Variants in DYNC1I1 observed in about 807,000 individuals in gnomAD.
The protein encoded by DYNC1I1 is cytoplasmic dynein 1 intermediate chain 1.
Under a neutral mutation model 86.6 loss-of-function variants are expected in DYNC1I1, and 43 were observed. The observed-to-expected ratio is 0.50, with a 90% CI of 0.39 to 0.64. DYNC1I1 has a LOEUF of 0.64. DYNC1I1 is among the 30% of genes least tolerant of loss of function. The pLI is 0.00. For synonymous variants in DYNC1I1, 262 were observed against 283.7 expected (o/e 0.92, Z 0.77); for missense variants, 604 against 788.8 (o/e 0.77, Z 2.81).
chr7:95,922,209 A>G lies in DYNC1I1; in HGVS notation c.490+52211A>G, dbSNP rs1298031904. Among the ~76,000 whole-genome samples, 5 of 152,098 alleles carry G rather than the reference A, an allele frequency of 3.3e-5. No homozygotes were observed. The East Asian group carries it at 9.6e-4, about 29-fold the overall frequency. On this transcript the variant is annotated intron_variant, in intron 6 of 16. Coordinates refer to ENST00000447467, the MANE Select transcript of DYNC1I1 (RefSeq NM_001135556.2). Reference sequence around the variant, plus strand: ...GGATTTTTTTTTCTTTTCTTTTTTAATATTAGTGTGTGTAAAGGTGGTTTC... The same window carrying G: ...GGATTTTTTTTTCTTTTCTTTTTTAGTATTAGTGTGTGTAAAGGTGGTTTC...
chr7:96,090,904 G>C (rs1359404363), intron 16 of DYNC1I1, among the ~76,000 whole-genome samples: 2 of 152,110 alleles, frequency 1.3e-5, no homozygotes, highest in African/African-American at 2.4e-5. Flanking sequence ...CTGGTCCGTG[G>C]TTTCATCCAT....
At chr7:95,796,127 C>T (rs973741558) in intron 1 of DYNC1I1, among the ~76,000 whole-genome samples, 1 of 151,968 alleles carries the variant, frequency 6.6e-6, no homozygotes, top group Non-Finnish European at 1.5e-5. Flanking sequence ...AGTTCATTAA[C>T]AACTGTCTTA....
At chr7:95,892,404 G>A (rs966322019) in intron 6 of DYNC1I1, among the ~76,000 whole-genome samples, 3 of 151,420 alleles carry the variant, frequency 2.0e-5, no homozygotes, top group Non-Finnish European at 2.9e-5. Context: ...TCCACCTCCC[G>A]GGTTCACGCC....
At chr7:96,103,010 G>A (rs966464327), downstream of DYNC1I1, among the ~76,000 whole-genome samples, 2 of 152,096 alleles carry the variant, frequency 1.3e-5, no homozygotes, top group African/African-American at 4.8e-5. Context: ...CTGTGCATTG[G>A]GATGTACAGA....
At chr7:95,792,256 G>T (rs1485001) in intron 1 of DYNC1I1, among the ~76,000 whole-genome samples, 28,384 of 152,106 alleles carry the variant, frequency 0.19, 3,012 homozygotes, top group East Asian at 0.3. Context: ...CCGGTGAGGG[G>T]TGCATGATCC....
chr7:96,094,980 C>T (rs981839349), intron 16 of DYNC1I1, among the ~76,000 whole-genome samples: 1 of 152,106 alleles, frequency 6.6e-6, no homozygotes, highest in South Asian at 2.1e-4. Context: ...GAAACTTCAG[C>T]AGATCAAAAA....
At chr7:95,844,378 T>C (rs894340997) in intron 5 of DYNC1I1, among the ~76,000 whole-genome samples, 10 of 152,230 alleles carry the variant, frequency 6.6e-5, no homozygotes, top group African/African-American at 2.4e-4. Context: ...TTAGATTTTA[T>C]TTTCAATGTT....
intron 5 of DYNC1I1, among the ~76,000 whole-genome samples, chr7:95,835,587 T>G (rs1789060969): frequency 6.6e-6 from 1 of 151,854 alleles, no homozygotes; most frequent in Non-Finnish European, 1.5e-5. Flanking sequence ...AAGTCTCCCA[T>G]TATTAATGTG....
At chr7:95,917,599 G>T (rs1270043469) in intron 6 of DYNC1I1, among the ~76,000 whole-genome samples, 1 of 152,144 alleles carries the variant, frequency 6.6e-6, no homozygotes, top group African/African-American at 2.4e-5. Flanking sequence ...AACGGTACAA[G>T]TTGCTGAAGA....
intron 13 of DYNC1I1, 41 bp from the exon 14 acceptor site, chr7:96,039,236 A>C (rs1481829421): frequency 2.5e-6 from 4 of 1,575,976 alleles, no homozygotes; most frequent in Non-Finnish European, 3.4e-6. Context: ...ATTGCTTTTC[A>C]GAGGTCACTG....
At chr7:95,946,431 G>A (rs1427833429) in intron 6 of DYNC1I1, among the ~76,000 whole-genome samples, 1 of 152,156 alleles carries the variant, frequency 6.6e-6, no homozygotes, top group African/African-American at 2.4e-5. Flanking sequence ...GATATGAGGT[G>A]CTGAAGTAAA....
At chr7:95,883,306 T>A (rs1248670470) in intron 6 of DYNC1I1, among the ~76,000 whole-genome samples, 2 of 152,208 alleles carry the variant, frequency 1.3e-5, no homozygotes, top group Non-Finnish European at 2.9e-5. Context: ...CTGGATTAGA[T>A]CTTGGCTATT....
At chr7:96,028,629 G>A (rs1794738100) in intron 11 of DYNC1I1, among the ~76,000 whole-genome samples, 1 of 152,162 alleles carries the variant, frequency 6.6e-6, no homozygotes, top group Non-Finnish European at 1.5e-5. Flanking sequence ...GAAACCCTAT[G>A]CATTTACATT....
At chr7:95,825,618 G>T (rs551167692) in intron 4 of DYNC1I1, among the ~76,000 whole-genome samples, 7 of 152,310 alleles carry the variant, frequency 4.6e-5, no homozygotes, top group African/African-American at 1.7e-4. Context: ...CAGAGCAGGG[G>T]TTCTCACCCC....
chr7:96,054,498 C>G (rs767756234), intron 14 of DYNC1I1, among the ~76,000 whole-genome samples: 2 of 152,280 alleles, frequency 1.3e-5, no homozygotes, highest in East Asian at 1.9e-4. Flanking sequence ...TGGGTGTATA[C>G]CCAGTAATGG....
intron 16 of DYNC1I1, among the ~76,000 whole-genome samples, chr7:96,094,996 C>A (rs1040188392): frequency 6.6e-6 from 1 of 152,138 alleles, no homozygotes; most frequent in African/African-American, 2.4e-5. Flanking sequence ...AAAAAGAGGA[C>A]AAGATGTGTT....
intron 16 of DYNC1I1, among the ~76,000 whole-genome samples, chr7:96,093,349 C>G (rs1790903391): frequency 6.6e-6 from 1 of 152,050 alleles, no homozygotes; most frequent in Non-Finnish European, 1.5e-5. Flanking sequence ...TGCCAGCAAC[C>G]AAGATAAGAA....
chr7:96,053,622 T>A (rs1789471955), intron 14 of DYNC1I1, among the ~76,000 whole-genome samples: 1 of 151,832 alleles, frequency 6.6e-6, no homozygotes, highest in Non-Finnish European at 1.5e-5. Flanking sequence ...AAGACAGAGG[T>A]ACTTTCATTT....
intron 10 of DYNC1I1, among the ~76,000 whole-genome samples, chr7:96,023,061 A>G (rs1490953952): frequency 1.3e-5 from 2 of 152,032 alleles, no homozygotes; most frequent in Non-Finnish European, 2.9e-5. Flanking sequence ...ACACTTTTCC[A>G]TTAACAAAAG....
Sources: gnomAD v4.1 joint callset for allele counts (sites outside exome capture counted in the v4.1 genomes callset) on GRCh38, gnomAD v4.1.1 for gene constraint, MANE v1.5 for transcripts, NCBI Gene and HGNC (gene_info 2026-07-23, HGNC 2026-07-21) for gene names.